Variants in NRXN3 observed in about 807,000 individuals in gnomAD.
NRXN3 encodes the protein neurexin 3.
Under a neutral mutation model 137.6 loss-of-function variants are expected in NRXN3, and 32 were observed. The observed-to-expected ratio is 0.23, with a 90% confidence interval of 0.18 to 0.31. The LOEUF (loss-of-function observed/expected upper bound fraction) is 0.31, where lower values mean the gene tolerates loss of function less well. Ranked by LOEUF, NRXN3 falls within the 10% of genes least tolerant of loss-of-function variation. The pLI is 1.00. For missense variants in NRXN3, 1,574 were observed against 2,062.5 expected (o/e 0.76, Z 4.59); for synonymous variants, 798 against 784.5 (o/e 1.02, Z -0.29).
At chr14:79,560,869 C>G (rs956176502) in intron 16 of NRXN3, among the ~76,000 whole-genome samples, 1 of 152,068 alleles carries the variant, frequency 6.6e-6, no homozygotes, top group African/African-American at 2.4e-5. Flanking sequence ...GATACCCCAC[C>G]AAAGAACTTA....
intron 16 of NRXN3, among the ~76,000 whole-genome samples, chr14:79,594,464 A>C (rs1307450721): frequency 1.3e-5 from 2 of 152,218 alleles, no homozygotes; most frequent in Non-Finnish European, 2.9e-5. Context: ...TAAAATAAAT[A>C]TTATATACTT....
intron 6 of NRXN3, among the ~76,000 whole-genome samples, chr14:78,664,817 T>C (rs898573555): frequency 7.2e-5 from 11 of 152,228 alleles, no homozygotes; most frequent in Non-Finnish European, 1.5e-4. Context: ...GTAGATTGCA[T>C]ATTCCCTCTG....
intron 15 of NRXN3, among the ~76,000 whole-genome samples, chr14:79,329,066 G>A (rs559419235): frequency 1.4e-4 from 22 of 152,210 alleles, no homozygotes; most frequent in East Asian, 3.9e-4. Context: ...GAATGCCATC[G>A]TTTTCTTTCT....
At chr14:78,171,522 G>T (rs938448469) in intron 1 of NRXN3, among the ~76,000 whole-genome samples, 23 of 151,974 alleles carry the variant, frequency 1.5e-4, no homozygotes, top group Middle Eastern at 3.4e-3. Context: ...AGCCTGGTTC[G>T]ATGTATTGTT....
At chr14:78,328,507 C>A (rs966146155) in intron 4 of NRXN3, among the ~76,000 whole-genome samples, 1 of 152,136 alleles carries the variant, frequency 6.6e-6, no homozygotes. Flanking sequence ...GAAACAAGAG[C>A]TTGTCTCTGG....
At chr14:79,461,003 C>T (rs898171218) in intron 15 of NRXN3, among the ~76,000 whole-genome samples, 3 of 152,156 alleles carry the variant, frequency 2.0e-5, no homozygotes, top group South Asian at 2.1e-4. Context: ...TCACTAAATT[C>T]CATCTATTCA....
intron 15 of NRXN3, among the ~76,000 whole-genome samples, chr14:79,360,299 G>A (rs1453977960): frequency 6.6e-6 from 1 of 152,210 alleles, no homozygotes; most frequent in Non-Finnish European, 1.5e-5. Flanking sequence ...ATAAGGCAGA[G>A]GGTCAGGAGA....
intron 8 of NRXN3, among the ~76,000 whole-genome samples, chr14:78,758,224 T>C (rs1432524080): frequency 1.3e-5 from 2 of 152,156 alleles, no homozygotes; most frequent in Non-Finnish European, 2.9e-5. Context: ...GAGCCTCAGG[T>C]TTTTTAATCT....
intron 1 of NRXN3, among the ~76,000 whole-genome samples, chr14:78,175,755 G>C (rs973975551): frequency 3.9e-5 from 6 of 152,282 alleles, no homozygotes; most frequent in Admixed American, 3.9e-4. Flanking sequence ...TTTCCTGCAG[G>C]TTGTTCCTCA....
At chr14:78,178,083 G>A (rs2059439436) in intron 1 of NRXN3, among the ~76,000 whole-genome samples, 1 of 152,204 alleles carries the variant, frequency 6.6e-6, no homozygotes, top group Non-Finnish European at 1.5e-5. Context: ...AGTAACTGAA[G>A]CCTAAGGAGG....
intron 16 of NRXN3, among the ~76,000 whole-genome samples, chr14:79,472,768 A>C (rs1600804865): frequency 1.3e-5 from 2 of 152,028 alleles, no homozygotes; most frequent in East Asian, 3.9e-4. Flanking sequence ...GTCATGTTAC[A>C]CTCACCTTCA....
At chr14:79,278,602 G>A (rs905025027) in intron 15 of NRXN3, among the ~76,000 whole-genome samples, 1 of 152,190 alleles carries the variant, frequency 6.6e-6, no homozygotes, top group African/African-American at 2.4e-5. Flanking sequence ...AGCCGACTTG[G>A]CCCTCTCCCC....
chr14:79,385,051 T>C (rs1041484288), intron 15 of NRXN3, among the ~76,000 whole-genome samples: 1 of 152,014 alleles, frequency 6.6e-6, no homozygotes, highest in Non-Finnish European at 1.5e-5. Context: ...TAGATGATAA[T>C]TTAGATGGTG....
chr14:78,225,979 GTGTGTGTGT>G (rs1567013444), intron 1 of NRXN3, among the ~76,000 whole-genome samples: 36 of 81,580 alleles, frequency 4.4e-4, no homozygotes, highest in African/African-American at 1.5e-3. Flanking sequence ...GTGTTGGTGT[GTGTGTGTGT>G]GTGTGTGTGT....
At chr14:78,567,203 G>A (rs922676705) in intron 4 of NRXN3, among the ~76,000 whole-genome samples, 2 of 152,214 alleles carry the variant, frequency 1.3e-5, no homozygotes, top group African/African-American at 4.8e-5. Flanking sequence ...CATAGAATGG[G>A]GATTCTGAGC....
At position 79,642,360 on chromosome 14, in the gene NRXN3, G is replaced by A. The variant is rs985453013; in HGVS notation, c.3445-21418G>A. ...CCAAGCCATCCAAATTATACACTTAGACTGTAATTGTTTCTTTTCCATAAA... is the reference window on the plus strand; with the variant it reads ...CCAAGCCATCCAAATTATACACTTAAACTGTAATTGTTTCTTTTCCATAAA... On this transcript the variant is annotated intron_variant, in intron 16 of 20. Coordinates refer to ENST00000335750, the MANE Select transcript of NRXN3 (RefSeq NM_001330195.2). 2.2e-5 allele frequency among the ~76,000 whole-genome samples: 3 copies of A among 135,408 alleles called. 1 individual carries two copies. Among genetic ancestry groups the A allele is most frequent in the African/African-American group, 7.4e-5 (3 of 40,762 alleles). 88.8% of individuals were successfully genotyped at this position (135,408 alleles called of 152,430 possible). A position where few individuals can be genotyped will look rare whatever the true frequency, so the allele number is the denominator to read the frequency against.
At chr14:79,504,216 G>T (rs931286542) in intron 16 of NRXN3, among the ~76,000 whole-genome samples, 3 of 152,134 alleles carry the variant, frequency 2.0e-5, no homozygotes, top group African/African-American at 7.2e-5. Context: ...ACAAATGGTT[G>T]CATTCATCTC....
intron 1 of NRXN3, among the ~76,000 whole-genome samples, chr14:78,209,668 C>A (rs979686298): frequency 3.3e-5 from 5 of 152,042 alleles, no homozygotes; most frequent in Non-Finnish European, 7.4e-5. Context: ...AGGGGAGCCA[C>A]CCTCATGATC....
intron 10 of NRXN3, among the ~76,000 whole-genome samples, chr14:78,845,411 T>A (rs2099023763): frequency 6.6e-6 from 1 of 152,106 alleles, no homozygotes; most frequent in Non-Finnish European, 1.5e-5. Flanking sequence ...TTTTAATATA[T>A]CCCTCTATAA....
Sources: allele counts gnomAD v4.1 joint callset (sites outside exome capture counted in the v4.1 genomes callset), GRCh38; gene constraint gnomAD v4.1.1; transcripts MANE v1.5; gene names NCBI Gene and HGNC (gene_info 2026-07-23, HGNC 2026-07-21).